YTHDF2: variants seen among roughly 807,000 people sequenced by gnomAD.
YTHDF2 encodes the protein YTH N6-methyladenosine RNA binding protein F2, also known as YTH domain-containing family protein 2.
YTHDF2 carries 2 observed loss-of-function variants against 50.4 expected under a neutral mutation model. That is an observed-to-expected ratio of 0.04 (90% CI 0.02 to 0.12). The LOEUF is 0.12. Ranked by LOEUF, YTHDF2 falls within the 10% of genes least tolerant of loss-of-function variation. The pLI is 1.00. For missense variants in YTHDF2, 483 were observed against 722.6 expected (o/e 0.67, Z 3.80); for synonymous variants, 217 against 255.6 (o/e 0.85, Z 1.44).
rs941964642 is a variant in YTHDF2, at chr1:28,769,150, AC to A, written c.*199del. On this transcript the variant is annotated 3_prime_UTR_variant, in exon 5 of 5. Transcript: ENST00000373812. ...ATGAAAAAAAAAAGAAAAAGAAAAA[AC>A]TAAACAAAAAATCCCTCTAGGTAGT... 1 of 421,476 alleles carries A rather than the reference AC, an allele frequency of 2.4e-6. No homozygotes were observed. The highest frequency in any genetic ancestry group is 2.1e-5 in the African/African-American group (1 of 48,714). The allele number at this position is 421,476 out of a possible 1,614,324, so 26.1% of individuals were successfully genotyped here. A position where few individuals can be genotyped will look rare whatever the true frequency, so the allele number is the denominator to read the frequency against.
In YTHDF2 at chr1:28,737,638, G is replaced by T. The variant is rs779965525; in HGVS notation, c.28-20G>T. ...TCCTTTGGACAACTTGCTGCTCGGC[G>T]ACGTTTCCTTCCCCTGCAGAGACCA... is the stretch of plus-strand genomic sequence containing the variant. On this transcript the variant is annotated intron_variant, in intron 1 of 4. Transcript: ENST00000373812. 6 of 1,613,522 alleles carry T rather than the reference G, an allele frequency of 3.7e-6. No individual in the cohort carries two copies. The highest frequency in any genetic ancestry group is 5.1e-6 in the Non-Finnish European group (6 of 1,179,782).
intron 4 of YTHDF2, among the ~76,000 whole-genome samples, chr1:28,747,224 G>A (rs2087877780): frequency 6.6e-6 from 1 of 152,122 alleles, no homozygotes; most frequent in Non-Finnish European, 1.5e-5. Flanking sequence ...TTCATAGAAT[G>A]AGTGCAATAG....
In YTHDF2 at chr1:28,769,766, T is replaced by C. The variant is rs1266254929; in HGVS notation, c.*814T>C. 1 of 152,652 alleles carries C rather than the reference T, an allele frequency of 6.6e-6. No homozygotes were observed. The highest frequency in any genetic ancestry group is 1.5e-5 in the Non-Finnish European group (1 of 68,052). The allele number at this position is 152,652 out of a possible 1,614,324, so 9.5% of individuals were successfully genotyped here. On this transcript the variant is annotated 3_prime_UTR_variant, in exon 5 of 5. Transcript: ENST00000373812. ...ACTTCTCAATAAACGTGAGATCCTG[T>C]TGAGCATCACTTCTAGTACCATTTA... is the stretch of plus-strand genomic sequence containing the variant.
In YTHDF2 at chr1:28,763,079, G is replaced by A. The variant is rs559898493; in HGVS notation, c.1717-5850G>A. Among the ~76,000 whole-genome samples, 656 of 152,042 alleles carry A rather than the reference G, an allele frequency of 4.3e-3. 7 individuals are homozygous for A. Among genetic ancestry groups the A allele is most frequent in the South Asian group, 0.026 (124 of 4,814 alleles). On this transcript the variant is annotated intron_variant, in intron 4 of 4. Transcript: ENST00000373812. ...TGACCTCAAGTGATCCACCTGCCTC[G>A]GCCTCCCAAAGTGCTGGCATTACAG...
chr1:28,763,559 G>C (rs1054770640), intron 4 of YTHDF2, among the ~76,000 whole-genome samples: 2 of 152,050 alleles, frequency 1.3e-5, no homozygotes, highest in Non-Finnish European at 2.9e-5. Flanking sequence ...AGGTTCAAGC[G>C]ATTCTCCTGC....
rs151025315 is a variant in YTHDF2, at chr1:28,745,148, C to T, written c.1716+1162C>T. 4.0e-3 allele frequency among the ~76,000 whole-genome samples: 602 copies of T among 152,222 alleles called. 5 individuals are homozygous for T. Among genetic ancestry groups the T allele is most frequent in the African/African-American group, 0.013 (548 of 41,524 alleles). ...AATTCATAGGGATCTTATACGTGAT[C>T]TAGGATCTGAGGCATTGTTAGGCTG... On this transcript the variant is annotated intron_variant, in intron 4 of 4. Coordinates refer to ENST00000373812, the MANE Select transcript of YTHDF2 (RefSeq NM_016258.3).
rs149772770 is a variant in YTHDF2 at position 28,754,931 on chromosome 1, C to T, written c.1716+10945C>T. Reference sequence around the variant, plus strand: ...GGCAGAGGTTACAGTGAGCCGAGATCGCAACACTGCATTCCAGCCTGGGTG... The same window carrying T: ...GGCAGAGGTTACAGTGAGCCGAGATTGCAACACTGCATTCCAGCCTGGGTG... On this transcript the variant is annotated intron_variant, in intron 4 of 4. Coordinates refer to ENST00000373812, the MANE Select transcript of YTHDF2 (RefSeq NM_016258.3). Among the ~76,000 whole-genome samples, 17 of 131,734 alleles carry T rather than the reference C, an allele frequency of 1.3e-4. No homozygotes were observed. The East Asian group carries it at 2.6e-3, about 20-fold the overall frequency. 86.4% of individuals were successfully genotyped at this position (131,734 alleles called of 152,430 possible). A position where few individuals can be genotyped will look rare whatever the true frequency, so the allele number is the denominator to read the frequency against.
intron 4 of YTHDF2, among the ~76,000 whole-genome samples, chr1:28,747,677 G>T (rs12755628): frequency 6.8e-6 from 1 of 146,584 alleles, no homozygotes; most frequent in African/African-American, 2.5e-5. Context: ...CTCTCCCTCC[G>T]AAAGTGCTGG....
At chr1:28,741,641 C>T (rs1385608428) in intron 3 of YTHDF2, among the ~76,000 whole-genome samples, 1 of 152,188 alleles carries the variant, frequency 6.6e-6, no homozygotes, top group Non-Finnish European at 1.5e-5. Context: ...ATTTCCTTTT[C>T]AGGTTATAAC....
chr1:28,769,660 G>A lies in YTHDF2; in HGVS notation c.*708G>A, dbSNP rs1377375047. ...ATGCATTTTGGAAGAGAAAAATACT[G>A]TAAAACGTGTCGTGAATGTTTCTTC... On this transcript the variant is annotated 3_prime_UTR_variant, in exon 5 of 5. Coordinates refer to ENST00000373812, the MANE Select transcript of YTHDF2 (RefSeq NM_016258.3). The A allele has an allele frequency of 6.6e-6, 1 of 152,650 alleles. No individual in the cohort carries two copies. Among genetic ancestry groups the A allele is most frequent in the Non-Finnish European group, 1.5e-5 (1 of 68,034 alleles). 9.5% of individuals were successfully genotyped at this position (152,650 alleles called of 1,614,324 possible).
At position 28,737,095 on chromosome 1, in the gene YTHDF2, T is replaced by TCGC; in HGVS notation, c.-21_-19dup. The TCGC allele has an allele frequency of 2.5e-6, 4 of 1,590,344 alleles. No individual in the cohort carries two copies. Among genetic ancestry groups the TCGC allele is most frequent in the Non-Finnish European group, 2.6e-6 (3 of 1,170,452 alleles). On this transcript the variant is annotated 5_prime_UTR_variant, in exon 1 of 5. Coordinates refer to ENST00000373812, the MANE Select transcript of YTHDF2 (RefSeq NM_016258.3). ...CCGCGCTGAGGAGAGTTCGCCGCCGTCGCCGCCCGTGAGGATCTGAGAGCC... is the reference window on the plus strand; with the variant it reads ...CCGCGCTGAGGAGAGTTCGCCGCCGTCGCCGCCGCCCGTGAGGATCTGAGAGCC...
At chr1:28,737,529 T>C (rs1478554894) in intron 1 of YTHDF2, 129 bp from the exon 2 acceptor site, 2 of 1,297,908 alleles carry the variant, frequency 1.5e-6, no homozygotes, top group Non-Finnish European at 2.2e-6. Context: ...TCTTCCTCAC[T>C]ACCATTCCTG....
intron 4 of YTHDF2, among the ~76,000 whole-genome samples, chr1:28,761,229 G>A (rs976867226): frequency 4.7e-5 from 7 of 148,902 alleles, no homozygotes; most frequent in Admixed American, 3.4e-4. Flanking sequence ...TGACCTCCTG[G>A]GCTTAAGCAT....
At chr1:28,752,324 A>G (rs557362762) in intron 4 of YTHDF2, among the ~76,000 whole-genome samples, 2 of 152,084 alleles carry the variant, frequency 1.3e-5, no homozygotes, top group Admixed American at 1.3e-4. Flanking sequence ...TTTGAGACGG[A>G]GTCTCACTTG....
In YTHDF2 at chr1:28,747,082, CAAAA is replaced by C. The variant is rs149089494; in HGVS notation, c.1716+3103_1716+3106del. ...AGGCAACAAGAGTGAAACTCTGTCTCAAAAAAAAAATTCAGCTTTTAATCAAGTA... is the reference window on the plus strand; with the variant it reads ...AGGCAACAAGAGTGAAACTCTGTCTCAAAAAATTCAGCTTTTAATCAAGTA... On this transcript the variant is annotated intron_variant, in intron 4 of 4. Coordinates refer to ENST00000373812, the MANE Select transcript of YTHDF2 (RefSeq NM_016258.3). 4.7e-3 allele frequency among the ~76,000 whole-genome samples: 698 copies of C among 149,344 alleles called. 7 individuals carry two copies. Among genetic ancestry groups the C allele is most frequent in the African/African-American group, 0.016 (669 of 40,608 alleles).
At chr1:28,754,582 G>A (rs187871927) in intron 4 of YTHDF2, among the ~76,000 whole-genome samples, 1 of 151,634 alleles carries the variant, frequency 6.6e-6, no homozygotes, top group Admixed American at 6.6e-5. Context: ...CCAGCACTTT[G>A]GGAGGCTGAG....
intron 4 of YTHDF2, among the ~76,000 whole-genome samples, chr1:28,758,321 A>G (rs2088064671): frequency 6.6e-6 from 1 of 152,196 alleles, no homozygotes; most frequent in Admixed American, 6.5e-5. Flanking sequence ...AACTAGGATC[A>G]TATTACTGCA....
intron 4 of YTHDF2, among the ~76,000 whole-genome samples, chr1:28,748,919 C>A (rs1022294744): frequency 5.9e-5 from 9 of 152,128 alleles, no homozygotes; most frequent in African/African-American, 2.2e-4. Context: ...AATAACACTA[C>A]ACTGAACATC....
At chr1:28,761,484 C>A (rs2088129598) in intron 4 of YTHDF2, among the ~76,000 whole-genome samples, 2 of 152,108 alleles carry the variant, frequency 1.3e-5, no homozygotes, top group Admixed American at 1.3e-4. Context: ...TGCCTGTAAT[C>A]CCAGCACATA....
Sources: allele counts gnomAD v4.1 joint callset (sites outside exome capture counted in the v4.1 genomes callset), GRCh38; gene constraint gnomAD v4.1.1; transcripts MANE v1.5; gene names NCBI Gene and HGNC (gene_info 2026-07-23, HGNC 2026-07-21).